Variants in PPA1 observed in about 807,000 individuals in gnomAD.
The protein encoded by PPA1 is inorganic pyrophosphatase.
Under a neutral mutation model 41.8 loss-of-function variants are expected in PPA1, and 23 were observed. That is an observed-to-expected ratio of 0.55 (90% CI 0.40 to 0.78). The LOEUF is 0.78. Among genes scored for constraint, PPA1 ranks in the 30% least tolerant of loss-of-function variants. The pLI, the probability that PPA1 is intolerant of heterozygous loss-of-function variation, is 0.00. For synonymous variants in PPA1, 101 were observed against 116.8 expected (o/e 0.86, Z 0.87); for missense variants, 320 against 361.6 (o/e 0.89, Z 0.93).
At chr10:70,231,047 G>T (rs1276452846) in intron 1 of PPA1, among the ~76,000 whole-genome samples, 2 of 152,188 alleles carry the variant, frequency 1.3e-5, no homozygotes, top group African/African-American at 4.8e-5. Context: ...ACTAAACAAT[G>T]TTGCTAAAAG....
rs944625278 is a variant in PPA1 at position 70,202,893 on chromosome 10, C to T, written c.*262G>A. ...GTAACATATACATCCAATATGTGCT[C>T]CCCTTGCACATCTATTCACAAGTGA... On this transcript the variant is annotated 3_prime_UTR_variant, in exon 11 of 11. Transcript: ENST00000373232. 18 of 471,804 alleles carry T rather than the reference C, an allele frequency of 3.8e-5. No homozygotes were observed. The highest frequency in any genetic ancestry group is 3.2e-4 in the Admixed American group (8 of 24,622). 29.2% of individuals were successfully genotyped at this position (471,804 alleles called of 1,614,324 possible).
intron 8 of PPA1, among the ~76,000 whole-genome samples, chr10:70,207,931 G>A (rs925924035): frequency 7.2e-5 from 5 of 69,638 alleles, no homozygotes; most frequent in African/African-American, 1.1e-4. Flanking sequence ...GGTGGCTCAC[G>A]CCTGTAATCC....
intron 6 of PPA1, among the ~76,000 whole-genome samples, chr10:70,211,729 T>C (rs1840022276): frequency 2.0e-5 from 3 of 151,726 alleles, no homozygotes. Flanking sequence ...AGTAAATGAG[T>C]GCTGACAGAG....
chr10:70,211,667 C>T (rs1264670480), intron 6 of PPA1, among the ~76,000 whole-genome samples: 4 of 152,190 alleles, frequency 2.6e-5, no homozygotes, highest in Non-Finnish European at 4.4e-5. Context: ...CCAGCCACCC[C>T]GAGAAAGTTT....
chr10:70,232,864 G>C (rs1554831246), intron 1 of PPA1, among the ~76,000 whole-genome samples: 2 of 143,194 alleles, frequency 1.4e-5, no homozygotes, highest in African/African-American at 3.0e-5. Context: ...GCCCCCCCCG[G>C]CCCGGAGTCG....
chr10:70,222,720 C>T (rs750345921), intron 2 of PPA1, among the ~76,000 whole-genome samples: 8 of 152,020 alleles, frequency 5.3e-5, no homozygotes, highest in Admixed American at 1.3e-4. Context: ...TATATGTGCA[C>T]AAAGTGCAGG....
intron 9 of PPA1, chr10:70,205,648 C>CT (rs1839931549): frequency 6.6e-6 from 1 of 152,034 alleles, no homozygotes; most frequent in Non-Finnish European, 1.5e-5. Context: ...TTAAATTGTC[C>CT]TTTTTTCCTT....
Position 70,218,781 on chromosome 10 carries a change from A to G in PPA1, c.160T>C (p.Ser54Pro), listed in dbSNP as rs750076822. 1.2e-6 allele frequency: 2 copies of G among 1,612,294 alleles called. No individual in the cohort carries two copies. The highest frequency in any genetic ancestry group is 1.7e-6 in the Non-Finnish European group (2 of 1,178,618). ...AATATTACCTCCATTTTTGCATTAG[A>G]CCAGCGTGGTACTTCAACTACCATG... ...FHMVVEVPRW[S>P]NAKMEIATKD... is the part of the protein sequence containing the mutation. The change falls in exon 3 of 11, where the codon TCT (serine) becomes CCT (proline). Residue 54 changes from serine to proline, a missense_variant. Coordinates refer to ENST00000373232, the MANE Select transcript of PPA1 (RefSeq NM_021129.4).
chr10:70,206,902 GAGGAC>G lies in PPA1; in HGVS notation c.726-574_726-570del, dbSNP rs201879311. Among the ~76,000 whole-genome samples the G allele has an allele frequency of 5.4e-3, 659 of 121,452 alleles. 57 individuals are homozygous for G. Among genetic ancestry groups the G allele is most frequent in the Middle Eastern group, 0.019 (4 of 216 alleles). The allele number at this position is 121,452 out of a possible 152,430, so 79.7% of individuals were successfully genotyped here. A position where few individuals can be genotyped will look rare whatever the true frequency, so the allele number is the denominator to read the frequency against. ...GAGGGGAGGGGAGGGGAGGGGAGGA[GAGGAC>G]GAAAGAAACTGAGATTGAATGCTTT... On this transcript the variant is annotated intron_variant, in intron 8 of 10. Coordinates refer to ENST00000373232, the MANE Select transcript of PPA1 (RefSeq NM_021129.4).
Position 70,233,300 on chromosome 10 carries a change from C to T in PPA1, c.28G>A (p.Ala10Thr). ...CGGTACTCCAGGGAGAAGGGCGCGGCGCGCTCCTCGGTGCTGAAGCCGCTC... is the reference window on the plus strand; with the variant it reads ...CGGTACTCCAGGGAGAAGGGCGCGGTGCGCTCCTCGGTGCTGAAGCCGCTC... MSGFSTEER[A>T]APFSLEYRVF... The change falls in exon 1 of 11, where the codon GCC becomes ACC. Residue 10 changes from alanine to threonine, a missense_variant. Ala to Thr is a moderately conservative substitution (Grantham distance 58, BLOSUM62 0). Coordinates refer to ENST00000373232, the MANE Select transcript of PPA1 (RefSeq NM_021129.4). 1 of 1,542,250 alleles carries T rather than the reference C, an allele frequency of 6.5e-7. No individual in the cohort carries two copies. Among genetic ancestry groups the T allele is most frequent in the Non-Finnish European group, 8.7e-7 (1 of 1,144,522 alleles).
chr10:70,218,491 C>T, intron 3 of PPA1: 1 of 392,268 alleles, frequency 2.5e-6, no homozygotes, highest in Non-Finnish European at 4.6e-6. Context: ...GAAGGGCTTA[C>T]AGAGAGTAAG....
In PPA1 at chr10:70,233,275, C is replaced by T. The variant is rs1564587697; in HGVS notation, c.53G>A (p.Arg18Gln). The T allele has an allele frequency of 6.5e-6, 10 of 1,542,140 alleles. No individual in the cohort carries two copies. The South Asian group carries it at 7.2e-5, about 11-fold the overall frequency. ...CCGCAGACACTCACTGAGGAAGACT[C>T]GGTACTCCAGGGAGAAGGGCGCGGC... Reference protein sequence around the residue: ...ERAAPFSLEYRVFLKNEKGQY... With the variant: ...ERAAPFSLEYQVFLKNEKGQY... The change falls in exon 1 of 11, where the codon CGA becomes CAA. Residue 18 changes from arginine (R) to glutamine (Q), a missense_variant. Physicochemically the swap from Arg to Gln is conservative, Grantham distance 43. Transcript: ENST00000373232.
intron 2 of PPA1, among the ~76,000 whole-genome samples, chr10:70,227,764 G>C (rs544087263): frequency 1.3e-5 from 2 of 150,896 alleles, no homozygotes; most frequent in Non-Finnish European, 2.9e-5. Context: ...GGAGCTGACT[G>C]AGCTGTGTTA....
intron 1 of PPA1, among the ~76,000 whole-genome samples, chr10:70,231,678 TA>T (rs951378814): frequency 1.3e-5 from 2 of 152,322 alleles, no homozygotes; most frequent in African/African-American, 4.8e-5. Context: ...TTATAAAGCT[TA>T]AAAAAGTTTA....
At chr10:70,207,975 G>T (rs1280171491) in intron 8 of PPA1, among the ~76,000 whole-genome samples, 5 of 151,972 alleles carry the variant, frequency 3.3e-5, no homozygotes, top group African/African-American at 7.2e-5. Flanking sequence ...GGCAGATCAT[G>T]AGTCAGAGGT....
At chr10:70,203,967 T>C (rs77523962) in intron 10 of PPA1, 4,576 of 152,438 alleles carry the variant, frequency 0.03, 113 homozygotes, top group South Asian at 0.049. Flanking sequence ...GCAGCTCATC[T>C]TCCTTCCCAC....
At chr10:70,233,173 G>A (rs1765089033) in intron 1 of PPA1, 91 bp downstream of exon 1, 4 of 1,391,642 alleles carry the variant, frequency 2.9e-6, no homozygotes, top group Non-Finnish European at 3.8e-6. Context: ...GAGACCTGGG[G>A]CCGAGCGCGG....
intron 2 of PPA1, among the ~76,000 whole-genome samples, chr10:70,222,274 TGCA>T (rs1188048978): frequency 6.9e-6 from 1 of 144,076 alleles, no homozygotes; most frequent in Non-Finnish European, 1.5e-5. Flanking sequence ...AGGCGGAGGT[TGCA>T]GTGAACTGAG....
At chr10:70,207,766 GGTT>G (rs1371260945) in intron 8 of PPA1, among the ~76,000 whole-genome samples, 1 of 151,858 alleles carries the variant, frequency 6.6e-6, no homozygotes, top group African/African-American at 2.4e-5. Context: ...ATGTTTTTTG[GGTT>G]TTTTTAGCCC....
Sources: gnomAD v4.1 joint callset for allele counts (sites outside exome capture counted in the v4.1 genomes callset) on GRCh38, gnomAD v4.1.1 for gene constraint, MANE v1.5 for transcripts, NCBI Gene and HGNC (gene_info 2026-07-23, HGNC 2026-07-21) for gene names.